The following AKT3 variants were observed in gnomAD, a reference collection of about 807,000 sequenced individuals.
AKT3 encodes AKT serine/threonine kinase 3, also known as RAC-gamma serine/threonine-protein kinase.
Under a neutral mutation model 65.3 loss-of-function variants are expected in AKT3, and 15 were observed. The ratio of observed to expected loss-of-function variants is 0.23; its 90% CI spans 0.15 to 0.35. The LOEUF (loss-of-function observed/expected upper bound fraction) is 0.35. Ranked by LOEUF, AKT3 falls within the 10% of genes least tolerant of loss-of-function variation. AKT3 has a pLI of 1.00. For synonymous variants in AKT3, 206 were observed against 183.8 expected (o/e 1.12, Z -0.98); for missense variants, 243 against 576.5 (o/e 0.42, Z 5.92).
At position 243,501,545 on chromosome 1, in the gene AKT3, A is replaced by C. The variant is rs780337464; in HGVS notation, c.*3704T>G. On this transcript the variant is annotated 3_prime_UTR_variant, in exon 14 of 14. Transcript: ENST00000673466. Reference sequence around the variant, plus strand: ...TTCCCCTCAGAAGCAGCCGTTCATCAAAGTTTGCACAACCGCACTACTGCC... The same window carrying C: ...TTCCCCTCAGAAGCAGCCGTTCATCCAAGTTTGCACAACCGCACTACTGCC... 1.9e-4 allele frequency: 45 copies of C among 233,136 alleles called. 1 individual carries two copies. The highest frequency in any genetic ancestry group is 3.4e-4 in the Non-Finnish European group (40 of 118,036). 14.4% of individuals were successfully genotyped at this position (233,136 alleles called of 1,614,324 possible). A position where few individuals can be genotyped will look rare whatever the true frequency, so the allele number is the denominator to read the frequency against.
Position 243,637,033 on chromosome 1 carries a change from G to C in AKT3, c.561+578C>G, listed in dbSNP as rs536976002. ...TAAAGCATGGACCAATTTGTAAAGT[G>C]TATCTCCTGAGGGAATTGGGATTTT... On this transcript the variant is annotated intron_variant, in intron 6 of 13. Coordinates refer to ENST00000673466, the MANE Select transcript of AKT3 (RefSeq NM_005465.7). 7.8e-4 allele frequency among the ~76,000 whole-genome samples: 118 copies of C among 152,244 alleles called. 1 individual carries two copies. Among genetic ancestry groups the C allele is most frequent in the Non-Finnish European group, 1.4e-3 (93 of 67,980 alleles).
chr1:243,765,511 A>G (rs1256911529), intron 2 of AKT3, among the ~76,000 whole-genome samples: 1 of 152,140 alleles, frequency 6.6e-6, no homozygotes, highest in Non-Finnish European at 1.5e-5. Context: ...AAGAACAAAA[A>G]TCCCTTCTTA....
chr1:243,585,382 A>G (rs1338598994), intron 8 of AKT3, among the ~76,000 whole-genome samples: 1 of 152,162 alleles, frequency 6.6e-6, no homozygotes, highest in Non-Finnish European at 1.5e-5. Context: ...AGAACTGGAA[A>G]AAAAAAACTA....
At chr1:243,604,371 T>C (rs998229407) in intron 8 of AKT3, among the ~76,000 whole-genome samples, 4 of 152,206 alleles carry the variant, frequency 2.6e-5, no homozygotes, top group East Asian at 1.9e-4. Flanking sequence ...TTCATCTAAA[T>C]GACTTGAGAG....
At chr1:243,690,451 C>T (rs191063813) in intron 3 of AKT3, among the ~76,000 whole-genome samples, 146 of 152,254 alleles carry the variant, frequency 9.6e-4, no homozygotes, top group South Asian at 6.4e-3. Flanking sequence ...ATCTACAATC[C>T]TTAGAAATCC....
chr1:243,633,096 G>A (rs542580540), intron 6 of AKT3, among the ~76,000 whole-genome samples: 1 of 152,290 alleles, frequency 6.6e-6, no homozygotes, highest in African/African-American at 2.4e-5. Flanking sequence ...AAGGCAATTG[G>A]TTGATACATT....
intron 12 of AKT3, among the ~76,000 whole-genome samples, chr1:243,513,199 A>G (rs1444210629): frequency 6.6e-6 from 1 of 152,124 alleles, no homozygotes; most frequent in Admixed American, 6.5e-5. Flanking sequence ...GTGAACCTCC[A>G]CTGGTTGGGA....
intron 12 of AKT3, among the ~76,000 whole-genome samples, chr1:243,543,688 A>G (rs1461082465): frequency 6.6e-6 from 1 of 152,228 alleles, no homozygotes; most frequent in Non-Finnish European, 1.5e-5. Flanking sequence ...GAACATCCTC[A>G]GTGATACTAA....
At chr1:243,793,791 A>G (rs951929161) in intron 2 of AKT3, among the ~76,000 whole-genome samples, 19 of 148,768 alleles carry the variant, frequency 1.3e-4, no homozygotes, top group Non-Finnish European at 2.1e-4. Context: ...AAAAAAAAAA[A>G]GGGTGAAGAA....
intron 6 of AKT3, among the ~76,000 whole-genome samples, chr1:243,618,609 G>A (rs558154814): frequency 6.6e-6 from 1 of 152,132 alleles, no homozygotes; most frequent in South Asian, 2.1e-4. Flanking sequence ...TCATGGAAAA[G>A]CTTTTGAAAT....
chr1:243,519,157 T>C (rs1670550804), intron 12 of AKT3, among the ~76,000 whole-genome samples: 1 of 152,224 alleles, frequency 6.6e-6, no homozygotes, highest in South Asian at 2.1e-4. Context: ...TGTGCCCTAA[T>C]TCAAAAGGAC....
At chr1:243,667,949 C>T (rs1443336240) in intron 3 of AKT3, among the ~76,000 whole-genome samples, 1 of 152,204 alleles carries the variant, frequency 6.6e-6, no homozygotes, top group African/African-American at 2.4e-5. Flanking sequence ...CGCACAGCTG[C>T]TCTCTTAGAC....
intron 2 of AKT3, among the ~76,000 whole-genome samples, chr1:243,700,287 G>T (rs1685362969): frequency 6.6e-6 from 1 of 151,964 alleles, no homozygotes; most frequent in South Asian, 2.1e-4. Context: ...AAATTATGAG[G>T]GTGGAAGAAA....
At chr1:243,534,289 G>T (rs1671750852) in intron 12 of AKT3, among the ~76,000 whole-genome samples, 1 of 152,100 alleles carries the variant, frequency 6.6e-6, no homozygotes, top group South Asian at 2.1e-4. Flanking sequence ...ATAAAGAGGG[G>T]CATTACATAA....
At chr1:243,706,226 C>T (rs1685788719) in intron 2 of AKT3, among the ~76,000 whole-genome samples, 1 of 152,172 alleles carries the variant, frequency 6.6e-6, no homozygotes, top group Non-Finnish European at 1.5e-5. Context: ...AGACTATACT[C>T]CTGTCAGAAA....
At chr1:243,807,574 ACCTG>A (rs1160842730) in intron 2 of AKT3, among the ~76,000 whole-genome samples, 1 of 152,176 alleles carries the variant, frequency 6.6e-6, no homozygotes, top group Non-Finnish European at 1.5e-5. Flanking sequence ...ACTAAAGGAG[ACCTG>A]CCTGCCTCTG....
chr1:243,842,705 T>C (rs1446609896), intron 2 of AKT3, among the ~76,000 whole-genome samples: 1 of 152,222 alleles, frequency 6.6e-6, no homozygotes, highest in East Asian at 1.9e-4. Flanking sequence ...TTTTCTACTT[T>C]AAGCCATTCC....
chr1:243,715,219 C>T (rs770970158), intron 2 of AKT3, among the ~76,000 whole-genome samples: 1 of 152,062 alleles, frequency 6.6e-6, no homozygotes, highest in East Asian at 1.9e-4. Context: ...GGAATGGCTT[C>T]ATCCAGAAAG....
chr1:243,659,980 T>C (rs952541737), intron 4 of AKT3, among the ~76,000 whole-genome samples: 16 of 152,266 alleles, frequency 1.1e-4, no homozygotes, highest in Non-Finnish European at 2.2e-4. Context: ...GGTATCAGGA[T>C]GATGCTGGCC....
Sources: gnomAD v4.1 joint callset for allele counts (sites outside exome capture counted in the v4.1 genomes callset) on GRCh38, gnomAD v4.1.1 for gene constraint, MANE v1.5 for transcripts, NCBI Gene and HGNC (gene_info 2026-07-23, HGNC 2026-07-21) for gene names.